Variants in MARCHF7 observed in about 807,000 individuals in gnomAD.
The protein encoded by MARCHF7 is membrane associated ring-CH-type finger 7.
In MARCHF7, 20 loss-of-function variants were observed where a neutral mutation model predicts 76.5. The ratio of observed to expected loss-of-function variants is 0.26; its 90% CI spans 0.18 to 0.38. MARCHF7 has a LOEUF of 0.38. MARCHF7 is among the 10% of genes least tolerant of loss of function. The pLI, the probability that MARCHF7 is intolerant of heterozygous loss-of-function variation, is 1.00. For missense variants in MARCHF7, 797 were observed against 812.9 expected, an observed-to-expected ratio of 0.98 and a Z score of 0.24; for synonymous variants, 295 against 293.0, an observed-to-expected ratio of 1.01 and a Z score of -0.07.
At chr2:159,716,208 T>C (rs918478633) in intron 3 of MARCHF7, among the ~76,000 whole-genome samples, 21 of 151,912 alleles carry the variant, frequency 1.4e-4, no homozygotes, top group African/African-American at 5.1e-4. Context: ...TTAGCTTCCA[T>C]GTCTCCATGT....
intron 3 of MARCHF7, among the ~76,000 whole-genome samples, chr2:159,720,874 T>G (rs936358735): frequency 6.6e-6 from 1 of 152,106 alleles, no homozygotes; most frequent in Non-Finnish European, 1.5e-5. Flanking sequence ...CCGCAACCGC[T>G]CAAGACAGAG....
At chr2:159,741,972 A>G (rs1704180141) in intron 4 of MARCHF7, among the ~76,000 whole-genome samples, 1 of 152,198 alleles carries the variant, frequency 6.6e-6, no homozygotes, top group African/African-American at 2.4e-5. Context: ...TAAAAAGAAT[A>G]GTACAATTTC....
At chr2:159,746,859 A>G (rs541207328) in intron 6 of MARCHF7, among the ~76,000 whole-genome samples, 2 of 152,302 alleles carry the variant, frequency 1.3e-5, no homozygotes, top group Non-Finnish European at 2.9e-5. Flanking sequence ...ATTTTAATTT[A>G]TCTTACTGGG....
At chr2:159,753,508 G>A (rs903168621) in intron 8 of MARCHF7, among the ~76,000 whole-genome samples, 5 of 151,410 alleles carry the variant, frequency 3.3e-5, no homozygotes, top group Non-Finnish European at 7.4e-5. Context: ...CCGAGATTGC[G>A]CCACTGCACT....
rs193033734 is a variant in MARCHF7, at chr2:159,748,127, G to A, written c.837G>A (p.Thr279=). Residue 279 remains threonine (T), a synonymous_variant, in exon 7 of 12, where the codon ACG becomes ACA. Coordinates refer to ENST00000409175, the MANE Select transcript of MARCHF7 (RefSeq NM_001282805.2). The part of the protein sequence containing the change: ...ESSDNEGRRT[T]RRLLSRIASS... ...CTGACAATGAAGGTAGGCGGACAAC[G>A]AGGAGATTGCTGTCACGCATAGCTT... 18 of 1,613,886 alleles carry A rather than the reference G, an allele frequency of 1.1e-5. No homozygotes were observed. The highest frequency in any genetic ancestry group is 1.6e-4 in the Middle Eastern group (1 of 6,062).
chr2:159,763,469 T>A (rs1560030119), intron 10 of MARCHF7, among the ~76,000 whole-genome samples: 3 of 152,238 alleles, frequency 2.0e-5, no homozygotes, highest in Non-Finnish European at 4.4e-5. Flanking sequence ...AGTTGGTTGT[T>A]TACTGTGTGT....
chr2:159,761,715 A>T (rs973101813), intron 9 of MARCHF7, among the ~76,000 whole-genome samples: 2 of 152,108 alleles, frequency 1.3e-5, no homozygotes, highest in African/African-American at 4.8e-5. Flanking sequence ...CATGGCCTCA[A>T]ATTTCTTGAA....
chr2:159,724,250 G>A (rs559621717), intron 3 of MARCHF7, among the ~76,000 whole-genome samples: 11 of 152,070 alleles, frequency 7.2e-5, no homozygotes, highest in African/African-American at 1.2e-4. Context: ...TTCTGATTAC[G>A]TTCTCTTTGT....
chr2:159,746,044 A>G, intron 6 of MARCHF7, 107 bp downstream of exon 6: 2 of 852,798 alleles, frequency 2.3e-6, no homozygotes, highest in Non-Finnish European at 3.4e-6. Context: ...ATTTTGTCTT[A>G]TGAAGATTTC....
chr2:159,718,845 T>C (rs35227137), intron 3 of MARCHF7, among the ~76,000 whole-genome samples: 141,050 of 152,146 alleles, frequency 0.93, 65,511 homozygotes, highest in African/African-American at 0.96. Flanking sequence ...AGGTACAGTA[T>C]AAGTAGAAGG....
intron 8 of MARCHF7, among the ~76,000 whole-genome samples, chr2:159,757,645 G>GA (rs1404408903): frequency 6.6e-6 from 1 of 152,144 alleles, no homozygotes; most frequent in African/African-American, 2.4e-5. Context: ...CTTGTCTCCA[G>GA]AAAAAACATG....
chr2:159,729,376 A>G (rs958762491), intron 4 of MARCHF7, among the ~76,000 whole-genome samples: 1 of 152,186 alleles, frequency 6.6e-6, no homozygotes, highest in Admixed American at 6.6e-5. Context: ...CCTCATATAA[A>G]ATCATACTTT....
At chr2:159,759,539 AG>A (rs1191528698) in intron 9 of MARCHF7, among the ~76,000 whole-genome samples, 3 of 152,004 alleles carry the variant, frequency 2.0e-5, no homozygotes, top group African/African-American at 7.3e-5. Context: ...AGCTTAGGAA[AG>A]TTGTTCCAAA....
In MARCHF7 at chr2:159,744,851, T is replaced by A. The variant is rs543845662; in HGVS notation, c.347-919T>A. Reference sequence around the variant, plus strand: ...GCTACTAAGATTAGGGAAGAAAGAATCAAAATTTCAAGGTAAATAGTGAAG... The same window carrying A: ...GCTACTAAGATTAGGGAAGAAAGAAACAAAATTTCAAGGTAAATAGTGAAG... On this transcript the variant is annotated intron_variant, in intron 5 of 11. Transcript: ENST00000409175. Among the ~76,000 whole-genome samples, 126 of 152,304 alleles carry A rather than the reference T, an allele frequency of 8.3e-4. 2 individuals are homozygous for A. In the Middle Eastern group the frequency reaches 0.01, roughly 12 times the overall value.
intron 8 of MARCHF7, among the ~76,000 whole-genome samples, chr2:159,756,473 G>C (rs1301914949): frequency 6.6e-6 from 1 of 151,760 alleles, no homozygotes; most frequent in Non-Finnish European, 1.5e-5. Flanking sequence ...GAGCACCTGA[G>C]GTCAGGAGTT....
intron 9 of MARCHF7, among the ~76,000 whole-genome samples, chr2:159,760,341 T>C (rs1560027178): frequency 6.6e-6 from 1 of 152,210 alleles, no homozygotes; most frequent in Non-Finnish European, 1.5e-5. Flanking sequence ...TCCCAGATCC[T>C]TTGAAGCTAA....
rs537567491 is a variant in MARCHF7, at chr2:159,738,767, C to A, written c.154-4294C>A. On this transcript the variant is annotated intron_variant, in intron 4 of 11. Coordinates refer to ENST00000409175, the MANE Select transcript of MARCHF7 (RefSeq NM_001282805.2). ...AGCACCATAAGTTCTCACTCCGGTC[C>A]GTGGAACTGGCAGCCCAGCCTCCAG... Among the ~76,000 whole-genome samples the A allele has an allele frequency of 2.0e-5, 3 of 152,320 alleles. No individual in the cohort carries two copies. In the East Asian group the frequency reaches 5.8e-4, roughly 29 times the overall value.
At chr2:159,740,925 C>T (rs1408901890) in intron 4 of MARCHF7, among the ~76,000 whole-genome samples, 2 of 152,162 alleles carry the variant, frequency 1.3e-5, no homozygotes, top group Admixed American at 6.5e-5. Flanking sequence ...TGCCTGTAAT[C>T]CCAGCTGTTT....
At chr2:159,737,833 G>A (rs1442714276) in intron 4 of MARCHF7, among the ~76,000 whole-genome samples, 1 of 152,152 alleles carries the variant, frequency 6.6e-6, no homozygotes, top group Admixed American at 6.5e-5. Flanking sequence ...GGTAAGTGGT[G>A]GAGAAATTGG....
Sources: gnomAD v4.1 joint callset for allele counts (sites outside exome capture counted in the v4.1 genomes callset) on GRCh38, gnomAD v4.1.1 for gene constraint, MANE v1.5 for transcripts, NCBI Gene and HGNC (gene_info 2026-07-23, HGNC 2026-07-21) for gene names.